The following SPACA6 variants were observed in gnomAD, a reference collection of about 807,000 sequenced individuals.
SPACA6 encodes sperm acrosome membrane-associated protein 6.
For synonymous variants in SPACA6, 6 were observed against 1.5 expected (o/e 4.05, Z -2.21); for missense variants, 8 against 2.8 (o/e 2.88, Z -1.34).
rs1197924861 is a variant in SPACA6 at position 51,694,502 on chromosome 19, A to C, written c.239A>C (p.His80Pro). 5.0e-6 allele frequency: 2 copies of C among 399,682 alleles called. No homozygotes were observed. Among genetic ancestry groups the C allele is most frequent in the Non-Finnish European group, 8.8e-6 (2 of 226,620 alleles). 24.8% of individuals were successfully genotyped at this position (399,682 alleles called of 1,614,324 possible). A position where few individuals can be genotyped will look rare whatever the true frequency, so the allele number is the denominator to read the frequency against. Residue 80 changes from histidine (H) to proline (P), a missense_variant, in exon 2 of 9, where the codon CAT (histidine) becomes CCT (proline). His to Pro is a moderately conservative substitution (Grantham distance 77). Transcript: ENST00000637797. ...GACTATGATGAGAGAAGCCACCTGC[A>C]TGACACCTTCACCCAGATGACCCAT... ...EINYDERSHL[H>P]DTFTQMTHAL...
chr19:51,697,394 G>A (rs1461595505), intron 2 of SPACA6, among the ~76,000 whole-genome samples: 1 of 152,154 alleles, frequency 6.6e-6, no homozygotes, highest in Non-Finnish European at 1.5e-5. Context: ...GTGGGCATAA[G>A]GATTTGACCG....
chr19:51,683,052 A>G, the SPACA6 span, among the ~76,000 whole-genome samples: 207 of 152,294 alleles, frequency 1.4e-3, 4 homozygotes, highest in Admixed American at 0.013. Flanking sequence ...CAAAACAAAC[A>G]AGCAAAAACA....
Position 51,704,478 on chromosome 19 carries a change from G to A in SPACA6, c.939G>A (p.Ala313=), listed in dbSNP as rs1201468804. 7.5e-6 allele frequency: 3 copies of A among 401,032 alleles called. No homozygotes were observed. The highest frequency in any genetic ancestry group is 7.1e-5 in the East Asian group (2 of 28,060). The allele number at this position is 401,032 out of a possible 1,614,324, so 24.8% of individuals were successfully genotyped here. A position where few individuals can be genotyped will look rare whatever the true frequency, so the allele number is the denominator to read the frequency against. ...CATCAGCGAGTGCGACAGTGTTGGC[G>A]TGGTGAGTTCTGGGGACTCCGGAGC... is the stretch of plus-strand genomic sequence containing the variant. ...ALASASATVL[A]WMFFRWYCSG... The change falls in exon 8 of 9, where the codon GCG becomes GCA. Residue 313 remains alanine (A), a splice_region_variant and synonymous_variant. Transcript: ENST00000637797.
At chr19:51,683,849 C>T in the SPACA6 span, among the ~76,000 whole-genome samples, 1 of 152,194 alleles carries the variant, frequency 6.6e-6, no homozygotes, top group Non-Finnish European at 1.5e-5. Flanking sequence ...AGTAAAATGG[C>T]TGAGCCAGGA....
At chr19:51,687,777 C>G (rs1049561586), upstream of SPACA6, 1 of 152,290 alleles carries the variant, frequency 6.6e-6, no homozygotes, top group African/African-American at 2.4e-5. Context: ...CTACCCTCTT[C>G]TTCCTCCTAG....
At chr19:51,704,610 C>T in intron 8 of SPACA6, 130 bp downstream of exon 8, 1 of 399,376 alleles carries the variant, frequency 2.5e-6, no homozygotes, top group Non-Finnish European at 4.4e-6. Context: ...CTCAGACCCA[C>T]GAGTCCAGGT....
chr19:51,686,595 C>A (rs1414714408), upstream of SPACA6: 1 of 151,246 alleles, frequency 6.6e-6, no homozygotes, highest in Non-Finnish European at 1.5e-5. Context: ...TTAAATGTAC[C>A]CAGTGTCAAT....
the SPACA6 span, among the ~76,000 whole-genome samples, chr19:51,682,852 A>G: frequency 6.6e-6 from 1 of 152,152 alleles, no homozygotes; most frequent in Non-Finnish European, 1.5e-5. Flanking sequence ...AGACCAGCCT[A>G]GCCAACATGG....
At chr19:51,692,007 G>T (rs1300301372), upstream of SPACA6, among the ~76,000 whole-genome samples, 2 of 152,170 alleles carry the variant, frequency 1.3e-5, no homozygotes, top group African/African-American at 4.8e-5. The surrounding 1 kb of genome is among the most constrained non-coding windows in gnomAD (Gnocchi z 5.6). Context: ...TCAGGGAGAG[G>T]ACTGGTGCTC....
chr19:51,703,393 A>G lies in SPACA6; in HGVS notation c.573+56A>G, dbSNP rs907199052. 9.8e-5 allele frequency: 39 copies of G among 398,718 alleles called. No homozygotes were observed. The highest frequency in any genetic ancestry group is 7.8e-4 in the African/African-American group (38 of 48,680). 24.7% of individuals were successfully genotyped at this position (398,718 alleles called of 1,614,324 possible). ...TTAGACGGGCGAGTTAGCCTTCACT[A>G]GAGGTTGGGGAGTCAGCTTGCGGGG... On this transcript the variant is annotated intron_variant, in intron 6 of 8. Transcript: ENST00000637797. The surrounding 1 kb of genome is among the most constrained non-coding windows in gnomAD (Gnocchi z 4.2).
In SPACA6 at chr19:51,704,992, G is replaced by A. The variant is rs537154096; in HGVS notation, c.942-98G>A. On this transcript the variant is annotated intron_variant, in intron 8 of 8. Coordinates refer to ENST00000637797, the MANE Select transcript of SPACA6 (RefSeq NM_001316972.2). ...TCCTCCCTCAGAACCAGGAGTCCGG[G>A]CCCTGTACACCTTTTTGACCCTGGT... The A allele has an allele frequency of 2.0e-4, 76 of 385,346 alleles. No individual in the cohort carries two copies. The East Asian group carries it at 2.5e-3, about 13-fold the overall frequency. The allele number at this position is 385,346 out of a possible 1,614,324, so 23.9% of individuals were successfully genotyped here. A position where few individuals can be genotyped will look rare whatever the true frequency, so the allele number is the denominator to read the frequency against.
upstream of SPACA6, among the ~76,000 whole-genome samples, chr19:51,691,289 G>A (rs914275272): frequency 4.6e-5 from 7 of 151,592 alleles, no homozygotes; most frequent in Non-Finnish European, 1.0e-4. Context: ...AGGAGAGAGA[G>A]AGGGAGAGAG....
At chr19:51,683,692 A>G in the SPACA6 span, among the ~76,000 whole-genome samples, 1 of 152,222 alleles carries the variant, frequency 6.6e-6, no homozygotes, top group Non-Finnish European at 1.5e-5. Flanking sequence ...TAATTCTTTT[A>G]TATGGTTTAT....
Position 51,693,716 on chromosome 19 carries a change from C to T in SPACA6, c.190C>T (p.Gln64Ter). The T allele has an allele frequency of 2.5e-6, 1 of 407,066 alleles. No homozygotes were observed. Among genetic ancestry groups the T allele is most frequent in the Non-Finnish European group, 4.4e-6 (1 of 229,532 alleles). The allele number at this position is 407,066 out of a possible 1,614,324, so 25.2% of individuals were successfully genotyped here. ...TGAGGAGGCCTTCACGGCCGCCTTCCAGGGCCTCTCTGACACCGAAATCAG... is the reference window on the plus strand; with the variant it reads ...TGAGGAGGCCTTCACGGCCGCCTTCTAGGGCCTCTCTGACACCGAAATCAG... The part of the protein sequence containing the change: ...ECEEAFTAAF[Q>*]GLSDTEINYD... Residue 64 changes from glutamine (Q) to a stop codon, truncating the protein, a stop_gained, in exon 1 of 9, where the codon CAG becomes TAG. Transcript: ENST00000637797. LOFTEE classifies it high-confidence loss of function.
chr19:51,706,344 A>C (rs112688679), downstream of SPACA6, among the ~76,000 whole-genome samples: 37 of 152,082 alleles, frequency 2.4e-4, no homozygotes, highest in Non-Finnish European at 3.7e-4. Context: ...CATTACATCT[A>C]TTAACCCCGC....
chr19:51,693,107 T>A, upstream of SPACA6: 1 of 374,376 alleles, frequency 2.7e-6, no homozygotes, highest in South Asian at 2.2e-5. Context: ...TATTCTGGCT[T>A]TCTAGGTCTC....
chr19:51,707,118 A>C (rs2083519552), downstream of SPACA6, among the ~76,000 whole-genome samples: 1 of 152,198 alleles, frequency 6.6e-6, no homozygotes, highest in African/African-American at 2.4e-5. Context: ...TGTATTTTCA[A>C]GGCACTGTAG....
At chr19:51,684,893 G>A (rs1041595024), upstream of SPACA6, among the ~76,000 whole-genome samples, 2 of 152,282 alleles carry the variant, frequency 1.3e-5, 1 homozygote, top group Non-Finnish European at 2.9e-5. Context: ...CCACCTGCAG[G>A]GATTATGTGG....
chr19:51,704,631 C>A (rs1479027614), intron 8 of SPACA6, 151 bp downstream of exon 8: 4 of 399,472 alleles, frequency 1.0e-5, no homozygotes, highest in Non-Finnish European at 1.8e-5. Flanking sequence ...CCCAGCCCCT[C>A]TTTACTAGCC....
Sources: gnomAD v4.1 joint callset for allele counts (sites outside exome capture counted in the v4.1 genomes callset) on GRCh38, gnomAD v4.1.1 for gene constraint, Gnocchi (gnomAD v3.1) non-coding constraint, MANE v1.5 for transcripts, NCBI Gene and HGNC (gene_info 2026-07-23, HGNC 2026-07-21) for gene names.